POLR3G: variants seen among roughly 807,000 people sequenced by gnomAD.
POLR3G encodes the protein DNA-directed RNA polymerase III subunit RPC7.
In POLR3G, 28 loss-of-function variants were observed where a neutral mutation model predicts 30.1. The ratio of observed to expected loss-of-function variants is 0.93; its 90% CI spans 0.69 to 1.27. The LOEUF is 1.27. POLR3G is among the 50% of genes most tolerant of loss of function. POLR3G has a pLI of 0.00. For missense variants in POLR3G, 254 were observed against 264.6 expected (o/e 0.96, Z 0.28); for synonymous variants, 79 against 82.5 (o/e 0.96, Z 0.23).
chr5:90,475,342 G>A (rs535731376), intron 1 of POLR3G, among the ~76,000 whole-genome samples: 2 of 152,186 alleles, frequency 1.3e-5, no homozygotes, highest in South Asian at 2.1e-4. Flanking sequence ...AGTCATTGCC[G>A]CAGATTGCAG....
intron 2 of POLR3G, 76 bp downstream of exon 2, chr5:90,485,760 T>C: frequency 9.9e-7 from 1 of 1,007,426 alleles, no homozygotes; most frequent in Non-Finnish European, 1.5e-6. Flanking sequence ...TATATGGGAC[T>C]GGATGTATGA....
chr5:90,507,468 A>G (rs559816134), intron 7 of POLR3G, among the ~76,000 whole-genome samples: 2 of 152,358 alleles, frequency 1.3e-5, no homozygotes, highest in African/African-American at 4.8e-5. Context: ...AAGTGTGGAT[A>G]CATTTTTTAT....
intron 6 of POLR3G, 127 bp from the exon 7 acceptor site, chr5:90,506,401 G>A (rs1752485828): frequency 7.7e-7 from 1 of 1,302,638 alleles, no homozygotes; most frequent in South Asian, 2.0e-5. Flanking sequence ...TTTCCTAGGT[G>A]GTAGCCAGGA....
At chr5:90,480,353 G>A (rs1046748895) in intron 1 of POLR3G, among the ~76,000 whole-genome samples, 3 of 152,150 alleles carry the variant, frequency 2.0e-5, no homozygotes, top group Non-Finnish European at 4.4e-5. Flanking sequence ...TCTGTGTACA[G>A]GGTAATGGAT....
rs1185043074 is a variant in POLR3G, at chr5:90,513,755, TA to T, written c.*1619del. 2 of 152,324 alleles carry T rather than the reference TA, an allele frequency of 1.3e-5. No individual in the cohort carries two copies. Among genetic ancestry groups the T allele is most frequent in the East Asian group, 3.9e-4 (2 of 5,190 alleles). The allele number at this position is 152,324 out of a possible 1,614,324, so 9.4% of individuals were successfully genotyped here. On this transcript the variant is annotated 3_prime_UTR_variant, in exon 8 of 8. Transcript: ENST00000651687. ...AACCATTTGTGAATTACTTCTTGTT[TA>T]AAGGAAGTTGTCAAAAAATTTTAAG...
At chr5:90,473,943 A>C (rs1750632552), upstream of POLR3G, 2 of 1,603,756 alleles carry the variant, frequency 1.2e-6, no homozygotes, top group Middle Eastern at 3.3e-4. Flanking sequence ...AAGCCAGGTC[A>C]CGGTCTCAAA....
At chr5:90,480,161 G>A (rs368617715) in intron 1 of POLR3G, among the ~76,000 whole-genome samples, 15 of 152,304 alleles carry the variant, frequency 9.8e-5, no homozygotes, top group African/African-American at 3.4e-4. Context: ...TTTGGAGCAT[G>A]AGGAAATATA....
At chr5:90,486,717 C>T (rs1307547551) in intron 2 of POLR3G, among the ~76,000 whole-genome samples, 1 of 152,228 alleles carries the variant, frequency 6.6e-6, no homozygotes, top group Non-Finnish European at 1.5e-5. Flanking sequence ...CCTCCATGCA[C>T]TGTCAGTCAT....
At chr5:90,497,783 CCAAAGTTATACT>C in intron 5 of POLR3G, 77 bp downstream of exon 5, 1 of 1,498,820 alleles carries the variant, frequency 6.7e-7, no homozygotes, top group Non-Finnish European at 9.0e-7. Context: ...ATTTGTCAAC[CCAAAGTTATACT>C]CACTGTTCTT....
chr5:90,487,468 T>G (rs1751502473), intron 2 of POLR3G, among the ~76,000 whole-genome samples: 1 of 137,672 alleles, frequency 7.3e-6, no homozygotes, highest in African/African-American at 2.7e-5. Context: ...CTTGGCTCAC[T>G]GCAAGCTCCG....
rs70999488 is a variant in POLR3G at position 90,493,676 on chromosome 5, A to ATTTTTT, written c.248-1958_248-1953dup. On this transcript the variant is annotated intron_variant, in intron 3 of 7. Coordinates refer to ENST00000651687, the MANE Select transcript of POLR3G (RefSeq NM_006467.3). ...GTTGTGCAATCAACACCACTATTTA[A>ATTTTTT]TTTTTTTTTTTTTTTTTTTTTTTTT... Among the ~76,000 whole-genome samples the ATTTTTT allele has an allele frequency of 3.7e-4, 19 of 51,466 alleles. 4 individuals carry two copies. Among genetic ancestry groups the ATTTTTT allele is most frequent in the South Asian group, 8.4e-4 (1 of 1,190 alleles). 33.8% of individuals were successfully genotyped at this position (51,466 alleles called of 152,430 possible).
intron 7 of POLR3G, among the ~76,000 whole-genome samples, chr5:90,511,696 TG>T (rs1455656397): frequency 6.6e-6 from 1 of 152,010 alleles, no homozygotes; most frequent in Non-Finnish European, 1.5e-5. Flanking sequence ...ATCTCAGTAC[TG>T]GTGTAGTCTA....
In POLR3G at chr5:90,513,552, A is replaced by T. The variant is rs1752830936; in HGVS notation, c.*1413A>T. The stretch of plus-strand genomic sequence containing the variant: ...TTAAGAAACATGTTTTCCTCACAAA[A>T]TATATTGTAATCTGATTTTCCTATC... On this transcript the variant is annotated 3_prime_UTR_variant, in exon 8 of 8. Coordinates refer to ENST00000651687, the MANE Select transcript of POLR3G (RefSeq NM_006467.3). 6.6e-6 allele frequency: 1 copy of T among 152,522 alleles called. No individual in the cohort carries two copies. Among genetic ancestry groups the T allele is most frequent in the Non-Finnish European group, 1.5e-5 (1 of 68,020 alleles). The allele number at this position is 152,522 out of a possible 1,614,324, so 9.4% of individuals were successfully genotyped here.
At chr5:90,491,592 T>G (rs1001945967) in intron 3 of POLR3G, among the ~76,000 whole-genome samples, 1 of 152,100 alleles carries the variant, frequency 6.6e-6, no homozygotes, top group Non-Finnish European at 1.5e-5. Context: ...CTTTTATTCT[T>G]GCATAGAGGT....
upstream of POLR3G, chr5:90,474,479 C>A (rs560585548): frequency 3.3e-6 from 2 of 603,764 alleles, no homozygotes; most frequent in Non-Finnish European, 2.9e-6. Context: ...CCGACGCTGC[C>A]CGTAGCGTGC....
chr5:90,489,334 C>T (rs1286290756), intron 3 of POLR3G, among the ~76,000 whole-genome samples: 3 of 149,512 alleles, frequency 2.0e-5, no homozygotes, highest in East Asian at 3.9e-4. Context: ...GGTACAATCT[C>T]GGCTCACTGC....
intron 3 of POLR3G, among the ~76,000 whole-genome samples, 157 bp downstream of exon 3, chr5:90,488,286 A>C (rs991101964): frequency 1.3e-5 from 2 of 152,224 alleles, no homozygotes; most frequent in Non-Finnish European, 2.9e-5. Flanking sequence ...AACAGAAAAA[A>C]TACTTTAAAC....
intron 1 of POLR3G, among the ~76,000 whole-genome samples, chr5:90,480,789 C>T (rs1018262493): frequency 3.9e-5 from 6 of 152,136 alleles, no homozygotes; most frequent in Non-Finnish European, 8.8e-5. Flanking sequence ...GAGTGCAGCC[C>T]AGTGGTTTTG....
In POLR3G at chr5:90,487,378, A is replaced by ATTTTTTTTTTTTT. The variant is rs59951999; in HGVS notation, c.118-605_118-593dup. On this transcript the variant is annotated intron_variant, in intron 2 of 7. Coordinates refer to ENST00000651687, the MANE Select transcript of POLR3G (RefSeq NM_006467.3). ...TTTTCTTTTTTTTTTTGGTACATTA[A>ATTTTTTTTTTTTT]TTTTTTTTTTTTTTTTTTTTTTTTT... Among the ~76,000 whole-genome samples, 16 of 57,028 alleles carry ATTTTTTTTTTTTT rather than the reference A, an allele frequency of 2.8e-4. 1 individual carries two copies. Among genetic ancestry groups the ATTTTTTTTTTTTT allele is most frequent in the African/African-American group, 1.2e-3 (15 of 12,634 alleles). The allele number at this position is 57,028 out of a possible 152,430, so 37.4% of individuals were successfully genotyped here. A position where few individuals can be genotyped will look rare whatever the true frequency, so the allele number is the denominator to read the frequency against.
Sources: gnomAD v4.1 joint callset for allele counts (sites outside exome capture counted in the v4.1 genomes callset) on GRCh38, gnomAD v4.1.1 for gene constraint, MANE v1.5 for transcripts, NCBI Gene and HGNC (gene_info 2026-07-23, HGNC 2026-07-21) for gene names.